CNTN5: variants seen among roughly 807,000 people sequenced by gnomAD.
CNTN5 encodes the protein contactin-5.
In CNTN5, 77 loss-of-function variants were observed where a neutral mutation model predicts 129.1. That is an observed-to-expected ratio of 0.60 (90% CI 0.50 to 0.72). The LOEUF is 0.72. Among genes scored for constraint, CNTN5 ranks in the 30% least tolerant of loss-of-function variants. CNTN5 has a pLI of 0.00. For synonymous variants in CNTN5, 509 were observed against 465.6 expected (o/e 1.09, Z -1.20); for missense variants, 1,478 against 1,328.8 (o/e 1.11, Z -1.75).
intron 2 of CNTN5, among the ~76,000 whole-genome samples, chr11:99,418,291 G>A (rs1942748110): frequency 1.3e-5 from 2 of 151,854 alleles, no homozygotes; most frequent in African/African-American, 2.4e-5. Flanking sequence ...TTAAAAAAAA[G>A]GTATGAGTTA....
At chr11:99,430,774 A>G (rs1356181142) in intron 2 of CNTN5, among the ~76,000 whole-genome samples, 7 of 152,036 alleles carry the variant, frequency 4.6e-5, no homozygotes, top group Admixed American at 2.0e-4. Context: ...AAAGAAAAAT[A>G]AAAGAAATCC....
intron 7 of CNTN5, among the ~76,000 whole-genome samples, chr11:99,935,559 CGT>C (rs555246115): frequency 2.7e-5 from 4 of 150,834 alleles, no homozygotes; most frequent in Non-Finnish European, 4.4e-5. Context: ...AATAGAGAAC[CGT>C]GTGTGTGTGT....
chr11:99,202,275 G>A (rs1329471217), intron 1 of CNTN5, among the ~76,000 whole-genome samples: 1 of 152,126 alleles, frequency 6.6e-6, no homozygotes, highest in East Asian at 1.9e-4. Context: ...TTTACTTAGT[G>A]CCTAGCATGC....
intron 2 of CNTN5, among the ~76,000 whole-genome samples, chr11:99,452,969 A>G (rs1944364102): frequency 6.6e-6 from 1 of 152,232 alleles, no homozygotes; most frequent in Admixed American, 6.5e-5. Context: ...GAAATATCAT[A>G]TAACGTTGCC....
At chr11:99,293,434 T>G (rs886334679) in intron 1 of CNTN5, among the ~76,000 whole-genome samples, 2 of 152,126 alleles carry the variant, frequency 1.3e-5, no homozygotes, top group African/African-American at 4.8e-5. Flanking sequence ...CAGGGTACCT[T>G]GTAGAATGAG....
chr11:99,395,361 T>A (rs1296130158), intron 2 of CNTN5, among the ~76,000 whole-genome samples: 1 of 151,978 alleles, frequency 6.6e-6, no homozygotes, highest in Non-Finnish European at 1.5e-5. Flanking sequence ...CCTGTTCATG[T>A]CCTTTACTCA....
chr11:100,245,399 G>A (rs1430624710), intron 16 of CNTN5, among the ~76,000 whole-genome samples: 1 of 152,072 alleles, frequency 6.6e-6, no homozygotes, highest in Non-Finnish European at 1.5e-5. Context: ...CAAGAAGATT[G>A]CCGTGATCTG....
intron 2 of CNTN5, among the ~76,000 whole-genome samples, chr11:99,343,428 G>A (rs1423555482): frequency 1.3e-5 from 2 of 152,076 alleles, no homozygotes; most frequent in South Asian, 2.1e-4. Flanking sequence ...ATTATAAGAC[G>A]TATCCTGTTC....
At chr11:99,563,553 T>G (rs1948909430) in intron 3 of CNTN5, among the ~76,000 whole-genome samples, 1 of 152,200 alleles carries the variant, frequency 6.6e-6, no homozygotes. Context: ...CACAATTTAT[T>G]CACTTAAAAT....
Position 100,056,035 on chromosome 11 carries a change from A to C in CNTN5, c.981-5177A>C, listed in dbSNP as rs530268741. On this transcript the variant is annotated intron_variant, in intron 9 of 24. Transcript: ENST00000524871. ...TGTAATCTATCTATCACTTTTGGAA[A>C]TATTCTCTTCAACTATGTCTAATTT... Among the ~76,000 whole-genome samples the C allele has an allele frequency of 1.6e-4, 25 of 151,724 alleles. No individual in the cohort carries two copies. The East Asian group carries it at 3.9e-3, about 23-fold the overall frequency.
chr11:99,464,955 A>G (rs979032209), intron 2 of CNTN5, among the ~76,000 whole-genome samples: 1 of 152,066 alleles, frequency 6.6e-6, no homozygotes, highest in Non-Finnish European at 1.5e-5. Context: ...ATTTTGCTTT[A>G]TTTTTTATTT....
chr11:99,236,525 G>C (rs1345567639), intron 1 of CNTN5, among the ~76,000 whole-genome samples: 1 of 151,132 alleles, frequency 6.6e-6, no homozygotes, highest in Non-Finnish European at 1.5e-5. Context: ...GAATTAAATG[G>C]GGCTCAAAAT....
chr11:100,293,274 A>G (rs1327405555), intron 18 of CNTN5, among the ~76,000 whole-genome samples: 4 of 151,828 alleles, frequency 2.6e-5, no homozygotes, highest in Admixed American at 2.6e-4. Context: ...GCCACTTACA[A>G]GGAGGTTTAT....
chr11:99,594,743 TA>T, intron 3 of CNTN5, among the ~76,000 whole-genome samples: 1 of 152,338 alleles, frequency 6.6e-6, no homozygotes, highest in Middle Eastern at 3.4e-3. Context: ...GGTGCTGCTT[TA>T]GATCAGTACA....
intron 3 of CNTN5, among the ~76,000 whole-genome samples, chr11:99,561,818 G>A (rs1056989614): frequency 2.6e-5 from 1 of 39,096 alleles, no homozygotes; most frequent in East Asian, 8.2e-4. Context: ...ATGTAATGAG[G>A]TATATTGGAT....
intron 1 of CNTN5, among the ~76,000 whole-genome samples, chr11:99,307,879 A>G (rs931546283): frequency 6.6e-6 from 1 of 152,198 alleles, no homozygotes; most frequent in Non-Finnish European, 1.5e-5. Flanking sequence ...AAGTATGCAG[A>G]CCTGCTGGAG....
At chr11:100,077,683 A>G (rs1045996059) in intron 13 of CNTN5, among the ~76,000 whole-genome samples, 3 of 151,878 alleles carry the variant, frequency 2.0e-5, no homozygotes, top group Non-Finnish European at 4.4e-5. Flanking sequence ...AAGAAAAAAC[A>G]ACTTAAATAA....
chr11:99,736,028 C>A (rs1031553634), intron 3 of CNTN5, among the ~76,000 whole-genome samples: 6 of 151,772 alleles, frequency 4.0e-5, no homozygotes, highest in African/African-American at 1.5e-4. Context: ...TTTTTTCTCT[C>A]TTTCTTTTTC....
At position 99,374,702 on chromosome 11, in the gene CNTN5, AAAGT is replaced by A. The variant is rs561928429; in HGVS notation, c.-71+49222_-71+49225del. ...CAGTCTCAAAAAATAAAAAAAATAA[AAAGT>A]AAGATAATATGGAACTTAATGTCTG... is the stretch of plus-strand genomic sequence containing the variant. On this transcript the variant is annotated intron_variant, in intron 2 of 24. Transcript: ENST00000524871. 2.6e-5 allele frequency among the ~76,000 whole-genome samples: 4 copies of A among 152,088 alleles called. No homozygotes were observed. The East Asian group carries it at 7.7e-4, about 29-fold the overall frequency.
Sources: gnomAD v4.1 joint callset for allele counts (sites outside exome capture counted in the v4.1 genomes callset) on GRCh38, gnomAD v4.1.1 for gene constraint, MANE v1.5 for transcripts, NCBI Gene and HGNC (gene_info 2026-07-23, HGNC 2026-07-21) for gene names.